SEC24C: variants seen among roughly 807,000 people sequenced by gnomAD.
SEC24C encodes protein transport protein Sec24C.
SEC24C carries 22 observed loss-of-function variants against 117.0 expected under a neutral mutation model. That is an observed-to-expected ratio of 0.19 (90% CI 0.13 to 0.27). SEC24C has a LOEUF of 0.27. Ranked by LOEUF, SEC24C falls within the 10% of genes least tolerant of loss-of-function variation. The pLI is 1.00. For synonymous variants in SEC24C, 506 were observed against 529.4 expected, an observed-to-expected ratio of 0.96 and a Z score of 0.61; for missense variants, 1,155 against 1,375.1, an observed-to-expected ratio of 0.84 and a Z score of 2.53.
chr10:73,759,137 A>C lies in SEC24C; in HGVS notation c.309-485A>C, dbSNP rs549626873. On this transcript the variant is annotated intron_variant, in intron 3 of 22. Transcript: ENST00000345254. Reference sequence around the variant, plus strand: ...GCTGAGCCTGGAAAGTTGAGGCTGCAATGAGCTGTGATCACACCACTGCAC... The same window carrying C: ...GCTGAGCCTGGAAAGTTGAGGCTGCCATGAGCTGTGATCACACCACTGCAC... 2.6e-5 allele frequency among the ~76,000 whole-genome samples: 4 copies of C among 152,256 alleles called. No individual in the cohort carries two copies. The East Asian group carries it at 7.7e-4, about 29-fold the overall frequency.
intron 8 of SEC24C, among the ~76,000 whole-genome samples, chr10:73,764,396 C>T (rs1057047237): frequency 1.1e-4 from 16 of 151,972 alleles, no homozygotes; most frequent in African/African-American, 3.9e-4. Flanking sequence ...TGGTGGCGGG[C>T]GCCTGTAGTC....
chr10:73,765,726 G>A (rs1156342323), intron 9 of SEC24C, 74 bp from the exon 10 acceptor site: 2 of 1,559,036 alleles, frequency 1.3e-6, no homozygotes, highest in Non-Finnish European at 1.8e-6. Context: ...GGATAGTGGT[G>A]TGAGCTCAGC....
intron 2 of SEC24C, among the ~76,000 whole-genome samples, chr10:73,748,852 C>T (rs772278083): frequency 1.3e-5 from 2 of 152,150 alleles, no homozygotes; most frequent in Non-Finnish European, 2.9e-5. Flanking sequence ...AAGTGATTCT[C>T]GTGCCTCAGC....
chr10:73,760,019 C>A lies in SEC24C; in HGVS notation c.483C>A (p.Gly161=). ...PAPPSSGLGF[G]PPTSLASASG... is the part of the protein sequence containing the mutation. The stretch of plus-strand genomic sequence containing the variant: ...CTCTACCTTTATTCTACTTCTCAGG[C>A]CCACCAACATCGCTGGCTTCAGCCT... The change falls in exon 5 of 23, where the codon GGC becomes GGA. Residue 161 remains glycine, a splice_region_variant and synonymous_variant. Transcript: ENST00000345254. 2 of 1,573,190 alleles carry A rather than the reference C, an allele frequency of 1.3e-6. No homozygotes were observed. Among genetic ancestry groups the A allele is most frequent in the Non-Finnish European group, 8.7e-7 (1 of 1,156,000 alleles).
chr10:73,758,700 T>C (rs2082749964), intron 3 of SEC24C, among the ~76,000 whole-genome samples: 1 of 152,246 alleles, frequency 6.6e-6, no homozygotes, highest in Non-Finnish European at 1.5e-5. Flanking sequence ...TTTAGCATAA[T>C]ATTTTCAAAG....
At chr10:73,751,877 G>A (rs2082647028) in intron 3 of SEC24C, 1 of 152,210 alleles carries the variant, frequency 6.6e-6, no homozygotes, top group South Asian at 2.1e-4. Context: ...CCCTAAGGGA[G>A]AAATGGGAAG....
In SEC24C at chr10:73,766,340, C is replaced by T. The variant is rs763410079; in HGVS notation, c.1608-10C>T. On this transcript the variant is annotated splice_polypyrimidine_tract_variant and intron_variant, in intron 11 of 22. Transcript: ENST00000345254. Reference sequence around the variant, plus strand: ...GTGGCAAGTCTAGGTAACAATGTCACCTTCTACAGGGAGGGTGGGGCAGAA... The same window carrying T: ...GTGGCAAGTCTAGGTAACAATGTCATCTTCTACAGGGAGGGTGGGGCAGAA... The T allele has an allele frequency of 8.2e-6, 13 of 1,593,472 alleles. No individual in the cohort carries two copies. Among genetic ancestry groups the T allele is most frequent in the Non-Finnish European group, 1.0e-5 (12 of 1,167,450 alleles).
chr10:73,768,701 T>G, intron 15 of SEC24C, 109 bp from the exon 16 acceptor site: 2 of 934,870 alleles, frequency 2.1e-6, no homozygotes, highest in South Asian at 1.4e-5. Context: ...CTCACTGTTA[T>G]GATGATGATA....
intron 6 of SEC24C, chr10:73,762,258 G>A: frequency 1.2e-6 from 1 of 833,778 alleles, no homozygotes; most frequent in South Asian, 1.4e-5. Flanking sequence ...CATCTACCAT[G>A]TCCATTCCTC....
intron 8 of SEC24C, among the ~76,000 whole-genome samples, chr10:73,764,812 G>T (rs1369573084): frequency 6.6e-6 from 1 of 152,200 alleles, no homozygotes; most frequent in Non-Finnish European, 1.5e-5. Flanking sequence ...ACCAGGCCTT[G>T]GTAGGATACT....
At chr10:73,768,593 G>C (rs1252546784) in intron 15 of SEC24C, among the ~76,000 whole-genome samples, 2 of 152,180 alleles carry the variant, frequency 1.3e-5, no homozygotes, top group Non-Finnish European at 2.9e-5. Flanking sequence ...AGTAGGATTT[G>C]TCAACAGAAT....
At chr10:73,753,309 T>C (rs937636970) in intron 3 of SEC24C, among the ~76,000 whole-genome samples, 5 of 152,142 alleles carry the variant, frequency 3.3e-5, no homozygotes, top group Non-Finnish European at 7.4e-5. Flanking sequence ...GCCTCAGCCT[T>C]CCAAAGTGCT....
chr10:73,759,734 T>C lies in SEC24C; in HGVS notation c.421T>C (p.Ser141Pro). ...PTSAQVATQL[S>P]GMQISGAVAP... Reference sequence around the variant, plus strand: ...AAGTGCACAGGTGGCTACGCAGCTGTCTGGAATGCAGATCAGCGGTGCTGT... The same window carrying C: ...AAGTGCACAGGTGGCTACGCAGCTGCCTGGAATGCAGATCAGCGGTGCTGT... The change falls in exon 4 of 23, where the codon TCT (serine) becomes CCT (proline). Residue 141 changes from serine to proline, a missense_variant. Around this residue, in one of 2 missense-constraint regions of SEC24C, gnomAD observed 396 missense variants for 382.8 expected, o/e 1.03. Coordinates refer to ENST00000345254, the MANE Select transcript of SEC24C (RefSeq NM_198597.3). 1.2e-6 allele frequency: 2 copies of C among 1,610,152 alleles called. No individual in the cohort carries two copies. The highest frequency in any genetic ancestry group is 1.7e-6 in the Non-Finnish European group (2 of 1,179,148).
At position 73,768,842 on chromosome 10, in the gene SEC24C, C is replaced by T. The variant is rs1431082423; in HGVS notation, c.2214C>T (p.Asp738=). 1.9e-6 allele frequency: 3 copies of T among 1,613,850 alleles called. No homozygotes were observed. Among genetic ancestry groups the T allele is most frequent in the South Asian group, 2.2e-5 (2 of 91,064 alleles). ...VENDQERFLS[D]LRRDVQKVVG... ...ACGACCAGGAGCGGTTCCTGAGTGA[C>T]CTGCGTCGTGATGTCCAGAAGGTTG... The change falls in exon 16 of 23, where the codon GAC becomes GAT. Residue 738 remains aspartate (D), a synonymous_variant. Transcript: ENST00000345254.
rs1489882483 is a variant in SEC24C at position 73,769,382 on chromosome 10, T to G, written c.2460T>G (p.Arg820=). 6.2e-7 allele frequency: 1 copy of G among 1,614,108 alleles called. No homozygotes were observed. The highest frequency in any genetic ancestry group is 2.2e-5 in the East Asian group (1 of 44,878). ...ALLYTSCAGQ[R]RLRIHNLALN... is the part of the protein sequence containing the mutation. ...TTTACACCAGCTGTGCAGGGCAGCG[T>G]CGGCTCCGCATCCATAATCTGGCCC... The change falls in exon 18 of 23, where the codon CGT becomes CGG. Residue 820 remains arginine (R), a synonymous_variant. Coordinates refer to ENST00000345254, the MANE Select transcript of SEC24C (RefSeq NM_198597.3). The surrounding 1 kb of genome is among the most constrained non-coding windows in gnomAD (Gnocchi z 4.5).
intron 10 of SEC24C, 24 bp from the exon 11 acceptor site, chr10:73,766,062 C>T (rs1039097714): frequency 1.2e-6 from 2 of 1,609,098 alleles, no homozygotes; most frequent in Non-Finnish European, 1.7e-6. Flanking sequence ...TTCCCCCTCT[C>T]CCCAACATTT....
rs756251861 is a variant in SEC24C at position 73,770,787 on chromosome 10, C to T, written c.3133C>T (p.Arg1045Trp). ...LIDSLRAQRS[R>W]YMKLTVVKQE... is the part of the protein sequence containing the mutation. ...TGATAGCTTACGGGCACAGAGATCC[C>T]GGTACATGAAGGTAACACTGATCTG... Residue 1045 changes from arginine to tryptophan, a missense_variant, in exon 22 of 23, where the codon CGG becomes TGG. Arg to Trp is a moderately radical substitution (Grantham distance 101). Transcript: ENST00000345254. 8.1e-6 allele frequency: 13 copies of T among 1,614,088 alleles called. No homozygotes were observed. The East Asian group carries it at 1.1e-4, about 14-fold the overall frequency.
chr10:73,759,582 C>T (rs1214911291), intron 3 of SEC24C, 40 bp from the exon 4 acceptor site: 2 of 1,457,190 alleles, frequency 1.4e-6, no homozygotes, highest in East Asian at 5.0e-5. Context: ...AAAGGGTGTC[C>T]TGGCCCCACT....
chr10:73,764,001 C>A lies in SEC24C; in HGVS notation c.1227+18C>A. ...CAGAGGAGGTGAGTCAGGGAAGGGG[C>A]TAGAGTGTAATGAAAGGGAGGGAGG... On this transcript the variant is annotated intron_variant, in intron 8 of 22. Transcript: ENST00000345254. 6.4e-7 allele frequency: 1 copy of A among 1,563,526 alleles called. No homozygotes were observed. Among genetic ancestry groups the A allele is most frequent in the Non-Finnish European group, 8.7e-7 (1 of 1,151,892 alleles).
Sources: allele counts gnomAD v4.1 joint callset (sites outside exome capture counted in the v4.1 genomes callset), GRCh38; gene constraint gnomAD v4.1.1; regional missense constraint gnomAD v4.1.1; non-coding constraint Gnocchi (gnomAD v3.1); transcripts MANE v1.5; gene names NCBI Gene and HGNC (gene_info 2026-07-23, HGNC 2026-07-21).